The following NR3C2 variants were observed in gnomAD, a reference collection of about 807,000 sequenced individuals.
The protein encoded by NR3C2 is nuclear receptor subfamily 3 group C member 2.
In NR3C2, 15 loss-of-function variants were observed where a neutral mutation model predicts 86.4. That is an observed-to-expected ratio of 0.17 (90% CI 0.12 to 0.27). The LOEUF is 0.27. Among genes scored for constraint, NR3C2 ranks in the 10% least tolerant of loss-of-function variants. NR3C2 has a pLI of 1.00. For synonymous variants in NR3C2, 458 were observed against 450.5 expected, an observed-to-expected ratio of 1.02 and a Z score of -0.21; for missense variants, 960 against 1,195.6, an observed-to-expected ratio of 0.80 and a Z score of 2.91.
At chr4:148,379,163 C>A (rs11726964) in intron 2 of NR3C2, among the ~76,000 whole-genome samples, 10,059 of 152,122 alleles carry the variant, frequency 0.066, 401 homozygotes, top group African/African-American at 0.12. Context: ...CTAAATTTAA[C>A]CCTCTAGAAA....
At chr4:148,441,476 A>T (rs1750335418) in intron 1 of NR3C2, among the ~76,000 whole-genome samples, 1 of 152,232 alleles carries the variant, frequency 6.6e-6, no homozygotes, top group Non-Finnish European at 1.5e-5. Flanking sequence ...CCTAACTCCT[A>T]TGTCATAATA....
At chr4:148,141,370 G>A (rs1442890178) in intron 6 of NR3C2, among the ~76,000 whole-genome samples, 1 of 151,658 alleles carries the variant, frequency 6.6e-6, no homozygotes, top group Non-Finnish European at 1.5e-5. Flanking sequence ...GGAGGCGGAG[G>A]TTGCACACAC....
At chr4:148,303,974 G>A (rs751982103) in intron 2 of NR3C2, among the ~76,000 whole-genome samples, 6 of 152,182 alleles carry the variant, frequency 3.9e-5, no homozygotes, top group South Asian at 2.1e-4. Flanking sequence ...TCAGGGATGC[G>A]AGGACAGAAG....
intron 2 of NR3C2, among the ~76,000 whole-genome samples, chr4:148,398,006 C>A (rs1352983735): frequency 6.6e-6 from 1 of 152,144 alleles, no homozygotes; most frequent in African/African-American, 2.4e-5. Context: ...TCTGCTGGCT[C>A]CTCCCATTCC....
In NR3C2 at chr4:148,287,837, C is replaced by T. The variant is rs530715107; in HGVS notation, c.1758-27720G>A. On this transcript the variant is annotated intron_variant, in intron 2 of 8. Transcript: ENST00000358102. Reference sequence around the variant, plus strand: ...CATGAGCAAACTGTCTCGACTGCATCATTCAGAAGTTCTTAACGTCAGACA... The same window carrying T: ...CATGAGCAAACTGTCTCGACTGCATTATTCAGAAGTTCTTAACGTCAGACA... Among the ~76,000 whole-genome samples the T allele has an allele frequency of 3.3e-5, 5 of 152,236 alleles. No individual in the cohort carries two copies. The East Asian group carries it at 9.7e-4, about 29-fold the overall frequency.
chr4:148,159,735 A>G (rs1734568976), intron 4 of NR3C2, among the ~76,000 whole-genome samples: 1 of 152,222 alleles, frequency 6.6e-6, no homozygotes, highest in African/African-American at 2.4e-5. Flanking sequence ...ATTAGCTAGC[A>G]TAAGCTTCAA....
chr4:148,412,689 T>A (rs897675845), intron 2 of NR3C2, among the ~76,000 whole-genome samples: 2 of 152,228 alleles, frequency 1.3e-5, no homozygotes, highest in Non-Finnish European at 2.9e-5. Context: ...TAGGCTTACA[T>A]TCTTTTACTT....
intron 3 of NR3C2, among the ~76,000 whole-genome samples, chr4:148,240,209 C>A (rs1252804801): frequency 6.8e-6 from 1 of 147,064 alleles, no homozygotes; most frequent in Non-Finnish European, 1.5e-5. Flanking sequence ...TAAAAATTAT[C>A]AGATTATCAG....
chr4:148,290,168 C>G (rs1450351517), intron 2 of NR3C2, among the ~76,000 whole-genome samples: 1 of 152,146 alleles, frequency 6.6e-6, no homozygotes, highest in African/African-American at 2.4e-5. Flanking sequence ...TTCTGTGCCC[C>G]CACATGGTCC....
chr4:148,215,862 C>T (rs1737508083), intron 3 of NR3C2, among the ~76,000 whole-genome samples: 1 of 149,214 alleles, frequency 6.7e-6, no homozygotes, highest in South Asian at 2.1e-4. Context: ...TCACTGCAAG[C>T]CCTGCCTCCT....
chr4:148,176,456 C>T lies in NR3C2; in HGVS notation c.2014+18290G>A, dbSNP rs1735378062. ...TGGGACAGATGTACAAAGGGAGCAT[C>T]TGGGATGAACCCACCAATGTAGTGA... On this transcript the variant is annotated intron_variant, in intron 4 of 8. Transcript: ENST00000358102. 2.0e-5 allele frequency among the ~76,000 whole-genome samples: 3 copies of T among 152,186 alleles called. No homozygotes were observed. In the South Asian group the frequency reaches 6.2e-4, roughly 32 times the overall value.
At chr4:148,113,969 T>A in intron 8 of NR3C2, 135 bp downstream of exon 8, 1 of 1,049,280 alleles carries the variant, frequency 9.5e-7, no homozygotes, top group South Asian at 1.4e-5. Context: ...CCCTTGGACA[T>A]GGCGATATCC....
intron 2 of NR3C2, among the ~76,000 whole-genome samples, chr4:148,302,113 T>C (rs559251014): frequency 6.6e-6 from 1 of 152,338 alleles, no homozygotes; most frequent in South Asian, 2.1e-4. Context: ...GTTTTGATCT[T>C]CAAATGATGG....
At chr4:148,338,748 T>C (rs941635201) in intron 2 of NR3C2, among the ~76,000 whole-genome samples, 2 of 152,148 alleles carry the variant, frequency 1.3e-5, no homozygotes, top group African/African-American at 4.8e-5. Context: ...CCAATAATGC[T>C]GAAAGGAATA....
Position 148,112,171 on chromosome 4 carries a change from G to T in NR3C2, c.2799+1933C>A, listed in dbSNP as rs1732075009. On this transcript the variant is annotated intron_variant, in intron 8 of 8. Coordinates refer to ENST00000358102, the MANE Select transcript of NR3C2 (RefSeq NM_000901.5). The stretch of plus-strand genomic sequence containing the variant: ...GGTTTTGACCCATGGACCACTAGGT[G>T]AGGCCTTAGTGTTTCCATTGTGCTA... 7.2e-5 allele frequency among the ~76,000 whole-genome samples: 11 copies of T among 152,088 alleles called. No individual in the cohort carries two copies. The South Asian group carries it at 2.3e-3, about 32-fold the overall frequency.
chr4:148,421,243 T>G (rs1247768053), intron 2 of NR3C2, among the ~76,000 whole-genome samples: 1 of 152,228 alleles, frequency 6.6e-6, no homozygotes, highest in Non-Finnish European at 1.5e-5. Flanking sequence ...ATTAAGCACT[T>G]TCACACTGTT....
chr4:148,414,638 C>A (rs1239307533), intron 2 of NR3C2, among the ~76,000 whole-genome samples: 1 of 152,020 alleles, frequency 6.6e-6, no homozygotes, highest in Non-Finnish European at 1.5e-5. Context: ...AAAAAATACT[C>A]AAAAATTATT....
upstream of NR3C2, chr4:148,442,757 G>T (rs769059147): frequency 6.0e-5 from 59 of 985,246 alleles, no homozygotes; most frequent in Non-Finnish European, 7.0e-5. Context: ...TTGGGGTGCC[G>T]GGCGGTGGCT....
intron 7 of NR3C2, 100 bp downstream of exon 7, chr4:148,120,058 G>T: frequency 1.3e-6 from 2 of 1,510,092 alleles, no homozygotes; most frequent in Non-Finnish European, 9.2e-7. Flanking sequence ...GTTTGTTTTT[G>T]TTTTGGTACC....
Sources: allele counts gnomAD v4.1 joint callset (sites outside exome capture counted in the v4.1 genomes callset), GRCh38; gene constraint gnomAD v4.1.1; transcripts MANE v1.5; gene names NCBI Gene and HGNC (gene_info 2026-07-23, HGNC 2026-07-21).